Variants in DPH6 observed in about 807,000 individuals in gnomAD.
The protein encoded by DPH6 is diphthamine biosynthesis 6.
Under a neutral mutation model 38.2 loss-of-function variants are expected in DPH6, and 33 were observed. The observed-to-expected ratio is 0.86, with a 90% CI of 0.65 to 1.15. The LOEUF is 1.15. DPH6 is among the 50% of genes most tolerant of loss of function. DPH6 has a pLI of 0.00. For synonymous variants in DPH6, 108 were observed against 103.0 expected, an observed-to-expected ratio of 1.05 and a Z score of -0.30; for missense variants, 325 against 320.0, an observed-to-expected ratio of 1.02 and a Z score of -0.12.
chr15:35,162,940 G>A, the DPH6 span, among the ~76,000 whole-genome samples: 2 of 151,868 alleles, frequency 1.3e-5, no homozygotes, highest in Non-Finnish European at 2.9e-5. Flanking sequence ...GTCACAACAC[G>A]CAGACCATGT....
At chr15:35,446,929 C>T (rs1237968030) in intron 5 of DPH6, among the ~76,000 whole-genome samples, 3 of 150,756 alleles carry the variant, frequency 2.0e-5, no homozygotes, top group Non-Finnish European at 1.5e-5. Flanking sequence ...AGTGCAGTGG[C>T]GTGATCTCGG....
chr15:35,298,741 C>G, intron 3 of DPH6: 1 of 1,564,446 alleles, frequency 6.4e-7, no homozygotes. Flanking sequence ...TGTGCGCCAC[C>G]GTGCCCCCCA....
chr15:35,498,944 A>T (rs937048997), intron 3 of DPH6, among the ~76,000 whole-genome samples: 5 of 72,220 alleles, frequency 6.9e-5, no homozygotes, highest in East Asian at 3.5e-4. Flanking sequence ...CTCATCTCTT[A>T]AAAAAAAAAA....
intron 3 of DPH6, among the ~76,000 whole-genome samples, chr15:35,487,940 G>A (rs776128667): frequency 1.4e-4 from 22 of 152,074 alleles, no homozygotes; most frequent in Non-Finnish European, 2.5e-4. Flanking sequence ...ATGCTTTGTT[G>A]CTTAGAAATT....
chr15:35,498,790 GA>G (rs1228813224), intron 3 of DPH6, among the ~76,000 whole-genome samples: 3 of 151,466 alleles, frequency 2.0e-5, no homozygotes, highest in Non-Finnish European at 4.4e-5. Context: ...TTTTTACGTA[GA>G]TGCCGTCAAA....
intron 5 of DPH6, among the ~76,000 whole-genome samples, chr15:35,447,274 C>T (rs2053866706): frequency 6.6e-6 from 1 of 152,122 alleles, no homozygotes; most frequent in Non-Finnish European, 1.5e-5. Flanking sequence ...TCCAAGACAA[C>T]AACTCAACTT....
chr15:35,196,083 G>C, the DPH6 span, among the ~76,000 whole-genome samples: 1 of 152,154 alleles, frequency 6.6e-6, no homozygotes, highest in Non-Finnish European at 1.5e-5. Context: ...TAGTAAAATA[G>C]GGTACTCAGT....
intron 5 of DPH6, among the ~76,000 whole-genome samples, chr15:35,435,849 C>A (rs1369288395): frequency 6.6e-6 from 1 of 152,020 alleles, no homozygotes; most frequent in Admixed American, 6.5e-5. Flanking sequence ...TGGACTTCTT[C>A]TGAGGGTAGA....
At chr15:35,498,613 T>C (rs746559248) in intron 3 of DPH6, among the ~76,000 whole-genome samples, 16 of 152,112 alleles carry the variant, frequency 1.1e-4, no homozygotes, top group Admixed American at 7.2e-4. Flanking sequence ...TTGATGGGAA[T>C]GGGAATAGAC....
chr15:35,202,666 A>G, the DPH6 span, among the ~76,000 whole-genome samples: 2 of 151,828 alleles, frequency 1.3e-5, no homozygotes, highest in African/African-American at 4.8e-5. Context: ...TTTAGAGCTC[A>G]ATGAATTTTA....
At chr15:35,265,521 A>G (rs1462437449) in intron 3 of DPH6, among the ~76,000 whole-genome samples, 2 of 152,192 alleles carry the variant, frequency 1.3e-5, no homozygotes, top group African/African-American at 4.8e-5. Flanking sequence ...TCTGGTGTGA[A>G]TCTTAACACT....
intron 6 of DPH6, among the ~76,000 whole-genome samples, chr15:35,386,627 A>G (rs1344763154): frequency 2.0e-5 from 3 of 152,036 alleles, no homozygotes; most frequent in East Asian, 1.9e-4. Flanking sequence ...GTGTTTTTTG[A>G]CTGCATAAAT....
intron 3 of DPH6, among the ~76,000 whole-genome samples, chr15:35,363,676 T>C (rs1336782233): frequency 6.6e-6 from 1 of 152,088 alleles, no homozygotes; most frequent in East Asian, 1.9e-4. Context: ...CTTCTGCTAG[T>C]TGCTCTATGT....
chr15:35,310,203 C>G (rs913266909), intron 3 of DPH6, among the ~76,000 whole-genome samples: 3 of 152,136 alleles, frequency 2.0e-5, no homozygotes, highest in African/African-American at 7.2e-5. Context: ...CAGTGGGATT[C>G]ATTTCACAAA....
At chr15:35,415,071 T>G (rs1053694440) in intron 5 of DPH6, among the ~76,000 whole-genome samples, 1 of 151,974 alleles carries the variant, frequency 6.6e-6, no homozygotes, top group Non-Finnish European at 1.5e-5. Context: ...ACTTTTTGTC[T>G]TTTCATTTCT....
chr15:35,234,918 T>C (rs74008089), intron 3 of DPH6, among the ~76,000 whole-genome samples: 11 of 152,246 alleles, frequency 7.2e-5, no homozygotes, highest in African/African-American at 2.6e-4. Context: ...GGAAGTAGAA[T>C]TGAGAGATAA....
intron 3 of DPH6, among the ~76,000 whole-genome samples, chr15:35,282,416 C>T (rs1026437505): frequency 3.3e-5 from 5 of 152,156 alleles, no homozygotes; most frequent in African/African-American, 4.8e-5. Context: ...TGGCCTCAAG[C>T]GATCCTCCCA....
At chr15:35,447,084 T>C (rs2053863886) in intron 5 of DPH6, among the ~76,000 whole-genome samples, 1 of 152,032 alleles carries the variant, frequency 6.6e-6, no homozygotes, top group Non-Finnish European at 1.5e-5. Context: ...TTAGACACAA[T>C]GGTCTCGATC....
chr15:35,370,662 A>G (rs949813745), downstream of DPH6, among the ~76,000 whole-genome samples: 1 of 151,762 alleles, frequency 6.6e-6, no homozygotes, highest in African/African-American at 2.4e-5. Flanking sequence ...CAGAATGGCA[A>G]AAGTCCAAAA....
Sources: allele counts gnomAD v4.1 joint callset (sites outside exome capture counted in the v4.1 genomes callset), GRCh38; gene constraint gnomAD v4.1.1; transcripts MANE v1.5; gene names NCBI Gene and HGNC (gene_info 2026-07-23, HGNC 2026-07-21).